MAP6D1: variants seen among roughly 807,000 people sequenced by gnomAD.
The protein encoded by MAP6D1 is MAP6 domain-containing protein 1.
In MAP6D1, 13 loss-of-function variants were observed where a neutral mutation model predicts 17.4. The observed-to-expected ratio is 0.75, with a 90% CI of 0.49 to 1.19. The LOEUF is 1.19. Among genes scored for constraint, MAP6D1 ranks in the 50% most tolerant of loss-of-function variants. The pLI is 0.00. For synonymous variants in MAP6D1, 141 were observed against 145.7 expected, an observed-to-expected ratio of 0.97 and a Z score of 0.23; for missense variants, 313 against 312.6, an observed-to-expected ratio of 1.00 and a Z score of -0.01.
chr3:183,818,167 C>T (rs1328508867), intron 1 of MAP6D1, 56 bp from the exon 2 acceptor site: 2 of 1,442,966 alleles, frequency 1.4e-6, no homozygotes, highest in Non-Finnish European at 9.8e-7. Context: ...CCTTTACCGA[C>T]TCCCCAGGGG....
intron 1 of MAP6D1, among the ~76,000 whole-genome samples, chr3:183,821,055 A>G (rs1026676199): frequency 1.3e-5 from 2 of 151,626 alleles, no homozygotes; most frequent in Non-Finnish European, 2.9e-5. Context: ...AGATGGCGCC[A>G]CTGCACTCCA....
intron 1 of MAP6D1, among the ~76,000 whole-genome samples, chr3:183,823,723 A>T (rs192883518): frequency 5.9e-5 from 9 of 152,344 alleles, no homozygotes; most frequent in Non-Finnish European, 1.2e-4. Context: ...AGGGAGGCAG[A>T]CATTGCAGTG....
In MAP6D1 at chr3:183,817,113, GT is replaced by G. The variant is rs2108560992; in HGVS notation, c.*242del. The G allele has an allele frequency of 2.0e-6, 1 of 506,100 alleles. No homozygotes were observed. The highest frequency in any genetic ancestry group is 2.1e-5 in the South Asian group (1 of 46,762). The allele number at this position is 506,100 out of a possible 1,614,324, so 31.4% of individuals were successfully genotyped here. ...AAAACTGAGAGACGGCCAGATGGCA[GT>G]TAACGAACGCAGGAGCCTTCCACAG... On this transcript the variant is annotated 3_prime_UTR_variant, in exon 3 of 3. Coordinates refer to ENST00000318631, the MANE Select transcript of MAP6D1 (RefSeq NM_024871.4).
intron 1 of MAP6D1, among the ~76,000 whole-genome samples, chr3:183,821,104 AAAAG>A (rs1221853012): frequency 6.7e-6 from 1 of 148,214 alleles, no homozygotes; most frequent in Non-Finnish European, 1.5e-5. Context: ...AAAAAAAAAA[AAAAG>A]AAAAAAAGAG....
chr3:183,825,121 C>G, intron 1 of MAP6D1, 26 bp downstream of exon 1: 2 of 1,368,392 alleles, frequency 1.5e-6, no homozygotes, highest in East Asian at 3.1e-5. Flanking sequence ...GGTGGGGACT[C>G]GTTGCGGTCC....
chr3:183,819,215 T>C (rs1226104114), intron 1 of MAP6D1, among the ~76,000 whole-genome samples: 1 of 152,246 alleles, frequency 6.6e-6, no homozygotes, highest in Non-Finnish European at 1.5e-5. Context: ...GGGCAGGGAA[T>C]GGCTGTGTCC....
At chr3:183,823,152 G>A (rs1033143559) in intron 1 of MAP6D1, among the ~76,000 whole-genome samples, 5 of 152,108 alleles carry the variant, frequency 3.3e-5, no homozygotes, top group African/African-American at 4.8e-5. Flanking sequence ...GCACCACCAC[G>A]CCCAGCTAAT....
rs2255015 is a variant in MAP6D1 at position 183,817,188 on chromosome 3, G to A, written c.*168C>T. On this transcript the variant is annotated 3_prime_UTR_variant, in exon 3 of 3. Transcript: ENST00000318631. Reference sequence around the variant, plus strand: ...CTGAGCTGGGTGTGCCAAGTCCATCGGTGCATCTGCTCCACACCAGCACTT... The same window carrying A: ...CTGAGCTGGGTGTGCCAAGTCCATCAGTGCATCTGCTCCACACCAGCACTT... The A allele has an allele frequency of 0.44, 278,165 of 633,324 alleles. 62,045 individuals carry two copies. Among genetic ancestry groups the A allele is most frequent in the Middle Eastern group, 0.54 (1,256 of 2,338 alleles). The allele number at this position is 633,324 out of a possible 1,614,324, so 39.2% of individuals were successfully genotyped here.
intron 2 of MAP6D1, among the ~76,000 whole-genome samples, 166 bp downstream of exon 2, chr3:183,817,828 T>C (rs905913313): frequency 1.3e-5 from 2 of 152,246 alleles, no homozygotes; most frequent in African/African-American, 4.8e-5. Context: ...GCCACCCAGC[T>C]GGCTACTGAT....
In MAP6D1 at chr3:183,822,575, T is replaced by C. The variant is rs1261861602; in HGVS notation, c.401+2572A>G. Among the ~76,000 whole-genome samples the C allele has an allele frequency of 2.0e-5, 3 of 152,336 alleles. No individual in the cohort carries two copies. The East Asian group carries it at 5.8e-4, about 29-fold the overall frequency. On this transcript the variant is annotated intron_variant, in intron 1 of 2. Coordinates refer to ENST00000318631, the MANE Select transcript of MAP6D1 (RefSeq NM_024871.4). ...GTAACCACTTGGGTACCACCACCAT[T>C]ATCAAGACACAAAGAACATTCCATG...
chr3:183,818,386 G>A (rs1727169478), intron 1 of MAP6D1, among the ~76,000 whole-genome samples: 1 of 152,226 alleles, frequency 6.6e-6, no homozygotes, highest in African/African-American at 2.4e-5. Flanking sequence ...GGAAGTAGGA[G>A]AGGAAGCTTA....
rs1026122715 is a variant in MAP6D1, at chr3:183,817,503, C to A, written c.520-67G>T. Reference sequence around the variant, plus strand: ...TTAACTCCCTACTCTTCCCCACTACCCAGCTCCAGGAAAAAATCCCCTCCC... The same window carrying A: ...TTAACTCCCTACTCTTCCCCACTACACAGCTCCAGGAAAAAATCCCCTCCC... On this transcript the variant is annotated intron_variant, in intron 2 of 2. Transcript: ENST00000318631. 3 of 1,403,304 alleles carry A rather than the reference C, an allele frequency of 2.1e-6. No homozygotes were observed. In the African/African-American group the frequency reaches 4.3e-5, roughly 20 times the overall value. The allele number at this position is 1,403,304 out of a possible 1,614,324, so 86.9% of individuals were successfully genotyped here. A position where few individuals can be genotyped will look rare whatever the true frequency, so the allele number is the denominator to read the frequency against.
At position 183,816,925 on chromosome 3, in the gene MAP6D1, C is replaced by T; in HGVS notation, c.*431G>A. ...CATTTGTAGGAAGAGCCAAGGGTCT[C>T]ACTGTAGGTTATGAAATTAATCAAG... On this transcript the variant is annotated 3_prime_UTR_variant, in exon 3 of 3. Transcript: ENST00000318631. The T allele has an allele frequency of 5.1e-6, 1 of 195,894 alleles. No individual in the cohort carries two copies. Among genetic ancestry groups the T allele is most frequent in the Non-Finnish European group, 1.1e-5 (1 of 93,980 alleles). The allele number at this position is 195,894 out of a possible 1,614,324, so 12.1% of individuals were successfully genotyped here.
intron 1 of MAP6D1, among the ~76,000 whole-genome samples, chr3:183,823,242 C>A (rs1253481930): frequency 6.6e-6 from 1 of 152,072 alleles, no homozygotes; most frequent in Non-Finnish European, 1.5e-5. Context: ...GATCCTCCCA[C>A]CTAAGCTTCC....
chr3:183,818,880 T>G (rs1162134274), intron 1 of MAP6D1, among the ~76,000 whole-genome samples: 1 of 151,960 alleles, frequency 6.6e-6, no homozygotes, highest in African/African-American at 2.4e-5. Context: ...AGGGAGAGGA[T>G]GAGGCTGGCA....
In MAP6D1 at chr3:183,817,074, T is replaced by C. The variant is rs2108560977; in HGVS notation, c.*282A>G. Reference sequence around the variant, plus strand: ...TTCCCAACTGACTTGATCCTCAGGCTCCTCAGAGATTTCAAAACTGAGAGA... The same window carrying C: ...TTCCCAACTGACTTGATCCTCAGGCCCCTCAGAGATTTCAAAACTGAGAGA... On this transcript the variant is annotated 3_prime_UTR_variant, in exon 3 of 3. Transcript: ENST00000318631. 3 of 439,354 alleles carry C rather than the reference T, an allele frequency of 6.8e-6. No homozygotes were observed. The East Asian group carries it at 1.4e-4, about 20-fold the overall frequency. 27.2% of individuals were successfully genotyped at this position (439,354 alleles called of 1,614,324 possible). A position where few individuals can be genotyped will look rare whatever the true frequency, so the allele number is the denominator to read the frequency against.
intron 2 of MAP6D1, 145 bp downstream of exon 2, chr3:183,817,849 C>G (rs1223427047): frequency 2.8e-6 from 2 of 720,614 alleles, no homozygotes; most frequent in East Asian, 2.5e-5. Context: ...GAGGAAGTAC[C>G]TTGGGTTTTT....
At position 183,825,210 on chromosome 3, in the gene MAP6D1, CG is replaced by C; in HGVS notation, c.337del (p.Arg113AlafsTer17). On this transcript the variant is annotated frameshift_variant, in exon 1 of 3. Transcript: ENST00000318631. LOFTEE classifies it high-confidence loss of function. Reference protein sequence around the residue: ...QSSAPPAPGARGVYVLPIGDA... With the variant: ...QSSAPPAPGAXGVYVLPIGDA... Reference sequence around the variant, plus strand: ...GCCGATGGGCAGCACGTAGACCCCGCGGGCGCCGGGCGCAGGTGGCGCGGAG... The same window carrying C: ...GCCGATGGGCAGCACGTAGACCCCGCGGCGCCGGGCGCAGGTGGCGCGGAG... 1 of 1,435,730 alleles carries C rather than the reference CG, an allele frequency of 7.0e-7. No individual in the cohort carries two copies. Among genetic ancestry groups the C allele is most frequent in the Non-Finnish European group, 9.2e-7 (1 of 1,092,696 alleles). 88.9% of individuals were successfully genotyped at this position (1,435,730 alleles called of 1,614,324 possible).
Position 183,817,318 on chromosome 3 carries a change from C to A in MAP6D1, c.*38G>T, listed in dbSNP as rs1727137115. ...TGGGTCCTGAGGCCGCTCCCCAGCC[C>A]TGTCCTGTCGGCAGCCATGGTGTCA... On this transcript the variant is annotated 3_prime_UTR_variant, in exon 3 of 3. Coordinates refer to ENST00000318631, the MANE Select transcript of MAP6D1 (RefSeq NM_024871.4). The A allele has an allele frequency of 1.3e-6, 2 of 1,545,242 alleles. No individual in the cohort carries two copies. Among genetic ancestry groups the A allele is most frequent in the Non-Finnish European group, 8.8e-7 (1 of 1,142,848 alleles).
Sources: gnomAD v4.1 joint callset for allele counts (sites outside exome capture counted in the v4.1 genomes callset) on GRCh38, gnomAD v4.1.1 for gene constraint, MANE v1.5 for transcripts, NCBI Gene and HGNC (gene_info 2026-07-23, HGNC 2026-07-21) for gene names.